PCDHGA7: variants seen among roughly 807,000 people sequenced by gnomAD.
PCDHGA7 encodes the protein protocadherin gamma subfamily A, 7.
A neutral mutation model predicts 58.3 loss-of-function variants in PCDHGA7; 44 were observed. The ratio of observed to expected loss-of-function variants is 0.75; its 90% CI spans 0.59 to 0.97. The LOEUF is 0.97. Among genes scored for constraint, PCDHGA7 ranks in the 50% least tolerant of loss-of-function variants. PCDHGA7 has a pLI of 0.00. For synonymous variants in PCDHGA7, 516 were observed against 504.2 expected (o/e 1.02, Z -0.31); for missense variants, 1,266 against 1,188.7 (o/e 1.06, Z -0.96).
At chr5:141,388,569 C>T (rs368780854) in intron 1 of PCDHGA7, 7 of 1,613,862 alleles carry the variant, frequency 4.3e-6, no homozygotes, top group African/African-American at 1.3e-5. Context: ...TGCACAGATA[C>T]ACGTTCTAGT....
Position 141,383,473 on chromosome 5 carries a change from C to G in PCDHGA7, c.574C>G (p.Pro192Ala), listed in dbSNP as rs764928203. 1.2e-6 allele frequency: 2 copies of G among 1,613,686 alleles called. No homozygotes were observed. Among genetic ancestry groups the G allele is most frequent in the South Asian group, 1.1e-5 (1 of 91,054 alleles). The stretch of plus-strand genomic sequence containing the variant: ...AAGTGGAGACGATGAAACTAAGTAC[C>G]CGGAACTGGTGCTGGAGCGGGTGCT... ...VQSGDDETKY[P>A]ELVLERVLDR... is the part of the protein sequence containing the mutation. The change falls in exon 1 of 4, where the codon CCG (proline) becomes GCG (alanine). Residue 192 changes from proline (P) to alanine (A), a missense_variant. By Grantham distance (27) the Pro-to-Ala change is conservative (BLOSUM62 -1). Coordinates refer to ENST00000518325, the MANE Select transcript of PCDHGA7 (RefSeq NM_018920.4).
chr5:141,415,740 GTTTTTTTTTTT>G lies in PCDHGA7; in HGVS notation c.2424+30439_2424+30449del, dbSNP rs57426385. On this transcript the variant is annotated intron_variant, in intron 1 of 3. Transcript: ENST00000518325. ...TGAGTAGAATTTGATGTTTATTAAGGTTTTTTTTTTTTTTTTTTTTTTTTTTTTTTTTACTT... is the reference window on the plus strand; with the variant it reads ...TGAGTAGAATTTGATGTTTATTAAGGTTTTTTTTTTTTTTTTTTTTTACTT... 695 of 624,702 alleles carry G rather than the reference GTTTTTTTTTTT, an allele frequency of 1.1e-3. 1 individual carries two copies. Among genetic ancestry groups the G allele is most frequent in the East Asian group, 1.8e-3 (27 of 14,732 alleles). 38.7% of individuals were successfully genotyped at this position (624,702 alleles called of 1,614,324 possible).
chr5:141,400,133 C>T, intron 1 of PCDHGA7: 1 of 1,614,066 alleles, frequency 6.2e-7, no homozygotes, highest in Non-Finnish European at 8.5e-7. Context: ...GAGGTGCTGC[C>T]GGATATCACT....
At chr5:141,441,852 G>A in intron 1 of PCDHGA7, 1 of 352,826 alleles carries the variant, frequency 2.8e-6, no homozygotes, top group South Asian at 2.4e-5. Flanking sequence ...TGGATATGGT[G>A]CTGCACGCCG....
intron 1 of PCDHGA7, among the ~76,000 whole-genome samples, chr5:141,466,358 A>G (rs1210013683): frequency 6.6e-6 from 1 of 152,066 alleles, no homozygotes; most frequent in Admixed American, 6.5e-5. Flanking sequence ...GCTAATCTAG[A>G]TGTAATGGTT....
At chr5:141,398,282 C>T in intron 1 of PCDHGA7, 2 of 1,401,814 alleles carry the variant, frequency 1.4e-6, no homozygotes, top group South Asian at 2.6e-5. Context: ...AACCTCGCCA[C>T]GGACCTGGGG....
At chr5:141,483,656 G>A (rs1345435222) in intron 1 of PCDHGA7, among the ~76,000 whole-genome samples, 1 of 151,984 alleles carries the variant, frequency 6.6e-6, no homozygotes, top group Non-Finnish European at 1.5e-5. Flanking sequence ...GTTTGTGTGT[G>A]TGTGTGTGTG....
Position 141,428,007 on chromosome 5 carries a change from A to T in PCDHGA7, c.2424+42684A>T, listed in dbSNP as rs770851074. 9.4e-6 allele frequency: 15 copies of T among 1,602,018 alleles called. No individual in the cohort carries two copies. In the African/African-American group the frequency reaches 1.5e-4, roughly 16 times the overall value. ...GCCCGATGGCTCCGCACTCTTCGAT[A>T]TAGTGCCACGCGCCGCAGAGTCCGG... On this transcript the variant is annotated intron_variant, in intron 1 of 3. Coordinates refer to ENST00000518325, the MANE Select transcript of PCDHGA7 (RefSeq NM_018920.4).
intron 1 of PCDHGA7, chr5:141,417,924 T>C (rs1197566429): frequency 1.9e-6 from 3 of 1,609,340 alleles, no homozygotes; most frequent in Admixed American, 1.7e-5. Flanking sequence ...CCTTTGCTGC[T>C]GCCTTTGTTC....
At position 141,432,987 on chromosome 5, in the gene PCDHGA7, T is replaced by C. The variant is rs1259121931; in HGVS notation, c.2424+47664T>C. ...GCGCCGGCGTCGCACTTTGTGGGCGTGGACGGGGTGCAGGCTTTCCTGCAG... is the reference window on the plus strand; with the variant it reads ...GCGCCGGCGTCGCACTTTGTGGGCGCGGACGGGGTGCAGGCTTTCCTGCAG... On this transcript the variant is annotated intron_variant, in intron 1 of 3. Coordinates refer to ENST00000518325, the MANE Select transcript of PCDHGA7 (RefSeq NM_018920.4). The surrounding 1 kb of genome is among the most constrained non-coding windows in gnomAD (Gnocchi z 6.0). The C allele has an allele frequency of 3.7e-6, 6 of 1,614,174 alleles. No individual in the cohort carries two copies. Among genetic ancestry groups the C allele is most frequent in the Non-Finnish European group, 5.1e-6 (6 of 1,180,032 alleles).
At position 141,487,578 on chromosome 5, in the gene PCDHGA7, C is replaced by T. The variant is rs1293087014; in HGVS notation, c.2425-7229C>T. The T allele has an allele frequency of 1.2e-6, 2 of 1,614,052 alleles. No individual in the cohort carries two copies. Among genetic ancestry groups the T allele is most frequent in the Non-Finnish European group, 1.7e-6 (2 of 1,180,044 alleles). ...CCTATGGCAGGGGAGCCTGTTCGCC[C>T]AAGCTGCCCACCCTCTGATCTTCTC... On this transcript the variant is annotated intron_variant, in intron 1 of 3. Coordinates refer to ENST00000518325, the MANE Select transcript of PCDHGA7 (RefSeq NM_018920.4). The surrounding 1 kb of genome is among the most constrained non-coding windows in gnomAD (Gnocchi z 5.0).
chr5:141,402,642 A>C (rs1236156893), intron 1 of PCDHGA7, among the ~76,000 whole-genome samples: 2 of 152,240 alleles, frequency 1.3e-5, no homozygotes, highest in Non-Finnish European at 2.9e-5. Flanking sequence ...TAAAATCATA[A>C]TTAGAAGAGA....
chr5:141,497,824 T>G (rs1164705269), intron 2 of PCDHGA7, among the ~76,000 whole-genome samples: 1 of 152,086 alleles, frequency 6.6e-6, no homozygotes, highest in African/African-American at 2.4e-5. Flanking sequence ...ACAGGTGTGA[T>G]CGCCCCCGGC....
chr5:141,388,640 A>G (rs373553997), intron 1 of PCDHGA7: 3 of 1,613,844 alleles, frequency 1.9e-6, no homozygotes, highest in African/African-American at 2.7e-5. Context: ...TGAGCCTTTC[A>G]GAAAACGTGT....
chr5:141,508,829 C>G (rs370074494), intron 3 of PCDHGA7, among the ~76,000 whole-genome samples: 10 of 152,240 alleles, frequency 6.6e-5, no homozygotes, highest in Middle Eastern at 3.4e-3. Context: ...TCTGGGCCCC[C>G]CTCCCCTACC....
chr5:141,450,842 T>TTTTTA, intron 1 of PCDHGA7, among the ~76,000 whole-genome samples: 1 of 148,196 alleles, frequency 6.7e-6, no homozygotes, highest in African/African-American at 2.5e-5. Context: ...TTTTTTTTTT[T>TTTTTA]GAGATGGGGT....
At chr5:141,420,027 C>T in intron 1 of PCDHGA7, 3 of 1,614,082 alleles carry the variant, frequency 1.9e-6, no homozygotes, top group Non-Finnish European at 2.5e-6. Flanking sequence ...AGCCCTACTG[C>T]AGGAGACTGC....
At chr5:141,428,021 C>A (rs1185050109) in intron 1 of PCDHGA7, 2 of 1,605,604 alleles carry the variant, frequency 1.2e-6, no homozygotes, top group Non-Finnish European at 1.7e-6. Flanking sequence ...TGCCACGCGC[C>A]GCAGAGTCCG....
intron 1 of PCDHGA7, chr5:141,390,870 G>A (rs1003231489): frequency 2.2e-5 from 3 of 134,656 alleles, no homozygotes; most frequent in African/African-American, 9.4e-5. Context: ...GTGTGTGCGT[G>A]TGTGTGTGTG....
Sources: gnomAD v4.1 joint callset for allele counts (sites outside exome capture counted in the v4.1 genomes callset) on GRCh38, gnomAD v4.1.1 for gene constraint, Gnocchi (gnomAD v3.1) non-coding constraint, MANE v1.5 for transcripts, NCBI Gene and HGNC (gene_info 2026-07-23, HGNC 2026-07-21) for gene names.